The following ZFP14 variants were observed in gnomAD, a reference collection of about 807,000 sequenced individuals.
The protein encoded by ZFP14 is ZFP14 zinc finger protein, also known as zinc finger protein 14 homolog.
Under a neutral mutation model 54.5 loss-of-function variants are expected in ZFP14, and 22 were observed. The observed-to-expected ratio is 0.40, with a 90% CI of 0.29 to 0.58. ZFP14 has a LOEUF of 0.58. Among genes scored for constraint, ZFP14 ranks in the 20% least tolerant of loss-of-function variants. ZFP14 has a pLI of 0.39. For missense variants in ZFP14, 470 were observed against 637.8 expected, an observed-to-expected ratio of 0.74 and a Z score of 2.83; for synonymous variants, 159 against 204.0, an observed-to-expected ratio of 0.78 and a Z score of 1.88.
chr19:36,344,169 A>C (rs988454618), intron 4 of ZFP14, among the ~76,000 whole-genome samples: 6 of 151,842 alleles, frequency 4.0e-5, no homozygotes, highest in African/African-American at 1.5e-4. Context: ...GGCTCGGCTA[A>C]TTTTTCTGTA....
intron 1 of ZFP14, among the ~76,000 whole-genome samples, chr19:36,370,304 T>G (rs900413376): frequency 1.6e-4 from 24 of 152,164 alleles, no homozygotes; most frequent in African/African-American, 5.8e-4. Context: ...AGCACAGAAC[T>G]TTGCCTGTTC....
At chr19:36,348,276 T>C (rs1326444031) in intron 4 of ZFP14, among the ~76,000 whole-genome samples, 1 of 152,152 alleles carries the variant, frequency 6.6e-6, no homozygotes, top group African/African-American at 2.4e-5. Context: ...TTTAAAAGGA[T>C]TGGGTAGGTA....
intron 1 of ZFP14, 35 bp from the exon 2 acceptor site, chr19:36,368,006 C>T (rs1325078530): frequency 4.2e-5 from 52 of 1,227,104 alleles, no homozygotes; most frequent in Middle Eastern, 2.0e-4. Flanking sequence ...AAATAAGCTG[C>T]GCCACAGAGC....
intron 4 of ZFP14, among the ~76,000 whole-genome samples, chr19:36,345,719 C>G (rs2031401818): frequency 6.6e-6 from 1 of 152,168 alleles, no homozygotes; most frequent in Admixed American, 6.5e-5. Context: ...AACCAAAAGA[C>G]ATCTTCACTT....
intron 1 of ZFP14, among the ~76,000 whole-genome samples, chr19:36,370,988 C>T (rs149717126): frequency 1.2e-3 from 177 of 152,308 alleles, no homozygotes; most frequent in African/African-American, 3.8e-3. Context: ...ACAGGCTGGG[C>T]ACAGTGGCTC....
chr19:36,365,004 T>C (rs1170967211), intron 2 of ZFP14, among the ~76,000 whole-genome samples: 12 of 115,458 alleles, frequency 1.0e-4, no homozygotes, highest in African/African-American at 3.7e-4. Flanking sequence ...CTTTTTTTTT[T>C]TTTTTTTTTT....
chr19:36,355,908 C>T (rs1333219220), intron 4 of ZFP14, among the ~76,000 whole-genome samples: 1 of 142,030 alleles, frequency 7.0e-6, no homozygotes. Context: ...TAAGATGATA[C>T]AGATTTAAAT....
At chr19:36,363,189 C>CTTTTCTTTTTTTTTTT (rs1555755935) in intron 2 of ZFP14, among the ~76,000 whole-genome samples, 15 of 97,754 alleles carry the variant, frequency 1.5e-4, no homozygotes, top group African/African-American at 3.9e-4. Context: ...CTTTTCTTTT[C>CTTTTCTTTTTTTTTTT]TTTTTTTTTT....
intron 1 of ZFP14, among the ~76,000 whole-genome samples, chr19:36,371,155 C>T (rs935336251): frequency 6.6e-6 from 1 of 151,918 alleles, no homozygotes; most frequent in Admixed American, 6.6e-5. Flanking sequence ...TCCAGCTACT[C>T]GGGAGGCTGA....
rs964611147 is a variant in ZFP14, at chr19:36,339,485, T to G, written c.*739A>C. 1 of 152,180 alleles carries G rather than the reference T, an allele frequency of 6.6e-6. No homozygotes were observed. The highest frequency in any genetic ancestry group is 1.5e-5 in the Non-Finnish European group (1 of 68,028). 9.4% of individuals were successfully genotyped at this position (152,180 alleles called of 1,614,324 possible). A position where few individuals can be genotyped will look rare whatever the true frequency, so the allele number is the denominator to read the frequency against. On this transcript the variant is annotated 3_prime_UTR_variant, in exon 5 of 5. Transcript: ENST00000270001. ...AGGTGAGGGAATGTTACTTCCATGA[T>G]TAGATTACACAAGATGGTAACTTCC...
chr19:36,357,579 T>TC (rs2031636328), intron 4 of ZFP14, among the ~76,000 whole-genome samples: 1 of 152,186 alleles, frequency 6.6e-6, no homozygotes, highest in African/African-American at 2.4e-5. Flanking sequence ...GCCTTTCTTC[T>TC]CCCCATTGGA....
chr19:36,352,352 A>T (rs2145548616), intron 4 of ZFP14, among the ~76,000 whole-genome samples: 1 of 143,802 alleles, frequency 7.0e-6, no homozygotes, highest in South Asian at 2.2e-4. Flanking sequence ...GAAAAACTAG[A>T]ATAAAAATGC....
At chr19:36,360,126 T>A in intron 4 of ZFP14, 1 of 191,582 alleles carries the variant, frequency 5.2e-6, no homozygotes, top group Middle Eastern at 2.0e-3. Context: ...TCTTTATTTC[T>A]TTTCTATTTT....
At chr19:36,367,780 G>A in intron 2 of ZFP14, 104 bp downstream of exon 2, 8 of 1,391,586 alleles carry the variant, frequency 5.7e-6, no homozygotes, top group Middle Eastern at 2.3e-4. Context: ...CAGGTTCTTG[G>A]ATGAAGCTCT....
chr19:36,374,377 C>T (rs1433730924), intron 1 of ZFP14, among the ~76,000 whole-genome samples: 1 of 151,448 alleles, frequency 6.6e-6, no homozygotes, highest in South Asian at 2.1e-4. Context: ...GTAATCCCAG[C>T]TACTCGGGAG....
chr19:36,373,301 CCAAA>C (rs1397555646), intron 1 of ZFP14, among the ~76,000 whole-genome samples: 43 of 149,736 alleles, frequency 2.9e-4, no homozygotes, highest in African/African-American at 7.8e-4. Flanking sequence ...AAAAAAACAA[CCAAA>C]CAAACAAACA....
In ZFP14 at chr19:36,339,080, T is replaced by C. The variant is rs1055003562; in HGVS notation, c.*1144A>G. 6.6e-6 allele frequency: 1 copy of C among 152,226 alleles called. No homozygotes were observed. The highest frequency in any genetic ancestry group is 1.5e-5 in the Non-Finnish European group (1 of 68,042). 9.4% of individuals were successfully genotyped at this position (152,226 alleles called of 1,614,324 possible). A position where few individuals can be genotyped will look rare whatever the true frequency, so the allele number is the denominator to read the frequency against. The stretch of plus-strand genomic sequence containing the variant: ...TTCATTTTTGGCATGAAATTTCTAA[T>C]GCAGCTCAAGTGCTGAAGAACTTCC... On this transcript the variant is annotated 3_prime_UTR_variant, in exon 5 of 5. Transcript: ENST00000270001.
chr19:36,341,761 A>G lies in ZFP14; in HGVS notation c.236-171T>C, dbSNP rs1402706437. ...AGACATTTCTGCCACAATCTTATAT[A>G]TGTGTACCTAAAAAACCTTATCTTC... is the stretch of plus-strand genomic sequence containing the variant. On this transcript the variant is annotated intron_variant, in intron 4 of 4. Coordinates refer to ENST00000270001, the MANE Select transcript of ZFP14 (RefSeq NM_020917.3). The surrounding 1 kb of genome is among the most constrained non-coding windows in gnomAD (Gnocchi z 4.2). Among the ~76,000 whole-genome samples the G allele has an allele frequency of 6.6e-6, 1 of 152,190 alleles. No individual in the cohort carries two copies. Among genetic ancestry groups the G allele is most frequent in the Non-Finnish European group, 1.5e-5 (1 of 68,038 alleles).
Position 36,336,284 on chromosome 19 carries a change from G to A in ZFP14, c.*3940C>T, listed in dbSNP as rs1212847771. ...TGACAGACTCTTGCTCTGTTACCCA[G>A]GCTGGAGTGCAGTGGCGCGATCTCA... is the stretch of plus-strand genomic sequence containing the variant. On this transcript the variant is annotated 3_prime_UTR_variant, in exon 5 of 5. Transcript: ENST00000270001. 7.9e-6 allele frequency: 1 copy of A among 126,200 alleles called. No individual in the cohort carries two copies. The highest frequency in any genetic ancestry group is 1.6e-5 in the Non-Finnish European group (1 of 64,036). The allele number at this position is 126,200 out of a possible 1,614,324, so 7.8% of individuals were successfully genotyped here. A position where few individuals can be genotyped will look rare whatever the true frequency, so the allele number is the denominator to read the frequency against.
Sources: allele counts gnomAD v4.1 joint callset (sites outside exome capture counted in the v4.1 genomes callset), GRCh38; gene constraint gnomAD v4.1.1; non-coding constraint Gnocchi (gnomAD v3.1); transcripts MANE v1.5; gene names NCBI Gene and HGNC (gene_info 2026-07-23, HGNC 2026-07-21).